Variants in SYNE1 observed in about 807,000 individuals in gnomAD.
The protein encoded by SYNE1 is spectrin repeat containing nuclear envelope protein 1, also known as nesprin-1.
Under a neutral mutation model 1,111.0 loss-of-function variants are expected in SYNE1, and 616 were observed. The ratio of observed to expected loss-of-function variants is 0.55; its 90% CI spans 0.52 to 0.59. The LOEUF is 0.59. Among genes scored for constraint, SYNE1 ranks in the 20% least tolerant of loss-of-function variants. SYNE1 has a pLI of 0.00. For missense variants in SYNE1, 10,006 were observed against 10,417.0 expected (o/e 0.96, Z 1.72); for synonymous variants, 3,855 against 3,825.8 (o/e 1.01, Z -0.28).
chr6:152,221,130 G>C, intron 118 of SYNE1, 84 bp from the exon 119 acceptor site: 2 of 1,385,746 alleles, frequency 1.4e-6, no homozygotes, highest in South Asian at 1.2e-5. Context: ...TCATGATCCT[G>C]GTTCATGTGA....
rs1244012304 is a variant in SYNE1, at chr6:152,236,826, T to C, written c.20190A>G (p.Thr6730=). The change falls in exon 109 of 146, where the codon ACA becomes ACG. Residue 6730 remains threonine (T), a synonymous_variant. Coordinates refer to ENST00000367255, the MANE Select transcript of SYNE1 (RefSeq NM_182961.4). ...ENEDRLIDRI[T]LYQHLKSSLN... ...GGCTTGTAACACCAACCTGGTAGAG[T>C]GTTATGCGGTCAATAAGCCTGTCCT... 8.1e-6 allele frequency: 13 copies of C among 1,613,998 alleles called. No individual in the cohort carries two copies. The highest frequency in any genetic ancestry group is 1.7e-5 in the Admixed American group (1 of 59,988).
intron 4 of SYNE1, among the ~76,000 whole-genome samples, chr6:152,537,145 A>G (rs758413457): frequency 2.6e-5 from 4 of 152,164 alleles, no homozygotes; most frequent in Non-Finnish European, 5.9e-5. Flanking sequence ...TATAGGTTCA[A>G]TGTCTAACAA....
intron 116 of SYNE1, among the ~76,000 whole-genome samples, 163 bp from the exon 117 acceptor site, chr6:152,224,827 T>G (rs981256498): frequency 6.6e-6 from 1 of 150,952 alleles, no homozygotes; most frequent in African/African-American, 2.4e-5. Flanking sequence ...GTAAAATGTA[T>G]CAACTTTGAA....
At chr6:152,363,285 G>T (rs541988819) in intron 63 of SYNE1, among the ~76,000 whole-genome samples, 2 of 147,550 alleles carry the variant, frequency 1.4e-5, no homozygotes, top group African/African-American at 2.5e-5. Flanking sequence ...ACGAGGTCAG[G>T]AGATCAAGGC....
chr6:152,464,035 C>A (rs986545996), intron 18 of SYNE1, among the ~76,000 whole-genome samples: 1 of 152,120 alleles, frequency 6.6e-6, no homozygotes, highest in East Asian at 1.9e-4. Flanking sequence ...TTCTTTTTGA[C>A]CTGCTACTTT....
intron 97 of SYNE1, 32 bp from the exon 98 acceptor site, chr6:152,278,312 A>G: frequency 6.2e-7 from 1 of 1,610,786 alleles, no homozygotes; most frequent in African/African-American, 1.3e-5. Flanking sequence ...TGAAACTCAC[A>G]CATCTCCCCA....
At chr6:152,321,573 A>G in intron 83 of SYNE1, 148 bp downstream of exon 83, 1 of 1,238,874 alleles carries the variant, frequency 8.1e-7, no homozygotes, top group Non-Finnish European at 1.1e-6. Context: ...GGAAAATCCC[A>G]TGAAGTAATA....
intron 126 of SYNE1, among the ~76,000 whole-genome samples, chr6:152,203,962 T>C (rs1278055448): frequency 6.6e-6 from 1 of 152,150 alleles, no homozygotes; most frequent in Admixed American, 6.5e-5. Context: ...ATAGTGAGGG[T>C]AGACAAAAAG....
chr6:152,191,053 T>C (rs374544922), intron 127 of SYNE1, among the ~76,000 whole-genome samples: 175 of 152,358 alleles, frequency 1.1e-3, no homozygotes, highest in African/African-American at 4.1e-3. Flanking sequence ...TCTTTCATTC[T>C]GTTGATCTGA....
chr6:152,391,927 A>G (rs1484034338), intron 51 of SYNE1, among the ~76,000 whole-genome samples: 1 of 152,232 alleles, frequency 6.6e-6, no homozygotes, highest in African/African-American at 2.4e-5. Flanking sequence ...TTTAATGGTC[A>G]GATGAGGAAA....
At chr6:152,328,087 C>G (rs2096129153) in intron 78 of SYNE1, among the ~76,000 whole-genome samples, 1 of 151,868 alleles carries the variant, frequency 6.6e-6, no homozygotes, top group South Asian at 2.1e-4. Flanking sequence ...CGTGTCAGAC[C>G]CAATGCTAAG....
At chr6:152,387,466 C>A in intron 53 of SYNE1, 85 bp from the exon 54 acceptor site, 2 of 1,396,458 alleles carry the variant, frequency 1.4e-6, no homozygotes, top group Non-Finnish European at 2.0e-6. Flanking sequence ...ACATCCATGC[C>A]AATTGTTTTA....
intron 102 of SYNE1, 76 bp downstream of exon 102, chr6:152,256,558 A>G (rs962526461): frequency 1.9e-6 from 3 of 1,595,594 alleles, no homozygotes; most frequent in Admixed American, 3.4e-5. Context: ...ACAGTCTCAC[A>G]GAGGCCAGGC....
At chr6:152,447,379 A>C (rs2098602107) in intron 29 of SYNE1, 79 bp downstream of exon 29, 20 of 1,499,940 alleles carry the variant, frequency 1.3e-5, no homozygotes, top group Non-Finnish European at 1.7e-5. Flanking sequence ...ATTACTTGCT[A>C]AACTACAACC....
At position 152,359,455 on chromosome 6, in the gene SYNE1, A is replaced by G. The variant is rs2096894691; in HGVS notation, c.10303T>C (p.Leu3435=). The G allele has an allele frequency of 1.2e-6, 2 of 1,614,070 alleles. No individual in the cohort carries two copies. The highest frequency in any genetic ancestry group is 1.1e-5 in the South Asian group (1 of 91,092). The change falls in exon 65 of 146, where the codon TTA becomes CTA. Residue 3435 remains leucine, a synonymous_variant. Transcript: ENST00000367255. ...KTTMLGKAKL[L]NEEVLSYSSL... is the part of the protein sequence containing the mutation. The stretch of plus-strand genomic sequence containing the variant: ...CTGTAACTCAGCACTTCTTCATTTA[A>G]TAACTAGAGAGCATTTAAGAAAAAT...
At position 152,300,788 on chromosome 6, in the gene SYNE1, C is replaced by T. The variant is rs199762799; in HGVS notation, c.17542-7G>A. The T allele has an allele frequency of 6.4e-4, 1,035 of 1,614,048 alleles. 1 individual carries two copies. The highest frequency in any genetic ancestry group is 7.9e-4 in the Non-Finnish European group (935 of 1,180,042). ...GACAGCGACCTGCAGTCATCTGCCA[C>T]GTAAAATGTAGCCCAAAGGACATGA... On this transcript the variant is annotated splice_region_variant and splice_polypyrimidine_tract_variant and intron_variant, in intron 92 of 145. Coordinates refer to ENST00000367255, the MANE Select transcript of SYNE1 (RefSeq NM_182961.4).
intron 11 of SYNE1, 54 bp downstream of exon 11, chr6:152,498,688 C>A: frequency 8.0e-7 from 1 of 1,251,172 alleles, no homozygotes; most frequent in Non-Finnish European, 1.1e-6. Context: ...TAAAATGCTA[C>A]AGAATGCAGG....
chr6:152,485,276 A>C (rs1268446016), intron 12 of SYNE1, among the ~76,000 whole-genome samples: 1 of 152,192 alleles, frequency 6.6e-6, no homozygotes, highest in Non-Finnish European at 1.5e-5. Flanking sequence ...GGTAGGACTA[A>C]AGCCTAGGAT....
Position 152,133,326 on chromosome 6 carries a change from G to A in SYNE1, c.25951C>T (p.Arg8651Cys), listed in dbSNP as rs149045775. 1.4e-5 allele frequency: 23 copies of A among 1,613,892 alleles called. No individual in the cohort carries two copies. Among genetic ancestry groups the A allele is most frequent in the Middle Eastern group, 1.6e-4 (1 of 6,084 alleles). Residue 8651 changes from arginine (R) to cysteine (C), a missense_variant, in exon 143 of 146, where the codon CGT becomes TGT. By Grantham distance (180) the Arg-to-Cys change is radical. This residue lies in a region of SYNE1 where 761 missense variants were observed against 795.5 expected (regional missense o/e 0.96). Transcript: ENST00000367255. ...AACTTCTCCAGTTCCTTGATATGACGACTGACCTCCTTCAAGAGAAGTTTG... is the reference window on the plus strand; with the variant it reads ...AACTTCTCCAGTTCCTTGATATGACAACTGACCTCCTTCAAGAGAAGTTTG... ...RLKLLLKEVS[R>C]HIKELEKLLD...
Sources: allele counts gnomAD v4.1 joint callset (sites outside exome capture counted in the v4.1 genomes callset), GRCh38; gene constraint gnomAD v4.1.1; regional missense constraint gnomAD v4.1.1; transcripts MANE v1.5; gene names NCBI Gene and HGNC (gene_info 2026-07-23, HGNC 2026-07-21).